Variants in SLC6A18 observed in about 807,000 individuals in gnomAD.
SLC6A18 encodes the protein inactive sodium-dependent neutral amino acid transporter B(0)AT3.
SLC6A18 carries 58 observed loss-of-function variants against 62.9 expected under a neutral mutation model. The observed-to-expected ratio is 0.92, with a 90% CI of 0.75 to 1.15. The LOEUF (loss-of-function observed/expected upper bound fraction) is 1.15. Ranked by LOEUF, SLC6A18 falls within the 50% of genes most tolerant of loss-of-function variation. The pLI is 0.00. For synonymous variants in SLC6A18, 382 were observed against 365.8 expected (o/e 1.04, Z -0.51); for missense variants, 793 against 836.6 (o/e 0.95, Z 0.64).
At position 1,243,592 on chromosome 5, in the gene SLC6A18, C is replaced by T. The variant is rs147961181; in HGVS notation, c.1169C>T (p.Thr390Met). ...CCGGGCCTGGCCTTCGTCGTCTTCACGGAGACCGACCTCCACATGCCGGGG... is the reference window on the plus strand; with the variant it reads ...CCGGGCCTGGCCTTCGTCGTCTTCATGGAGACCGACCTCCACATGCCGGGG... ...SGPGLAFVVF[T>M]ETDLHMPGAP... The change falls in exon 9 of 12, where the codon ACG becomes ATG. Residue 390 changes from threonine (T) to methionine (M), a missense_variant. Thr to Met is a moderately conservative substitution (Grantham distance 81). Transcript: ENST00000324642. This position sits in a 1 kb window ranked among gnomAD's most constrained non-coding sequence, Gnocchi z 6.5. 6.3e-5 allele frequency: 101 copies of T among 1,613,828 alleles called. 1 individual carries two copies. The highest frequency in any genetic ancestry group is 3.0e-4 in the South Asian group (27 of 91,082).
Position 1,245,988 on chromosome 5 carries a change from G to A in SLC6A18, c.1797G>A (p.Arg599=). 1 of 1,598,716 alleles carries A rather than the reference G, an allele frequency of 6.3e-7. No homozygotes were observed. Among genetic ancestry groups the A allele is most frequent in the South Asian group, 1.1e-5 (1 of 90,548 alleles). ...TCACCCGGCGGAGGCGGACGTGGAG[G>A]GACAGGGACGCGCGCCCAGACACGG... ...QLLTRRRRTW[R]DRDARPDTDM... Residue 599 remains arginine (R), a synonymous_variant, in exon 12 of 12, where the codon AGG becomes AGA. Coordinates refer to ENST00000324642, the MANE Select transcript of SLC6A18 (RefSeq NM_182632.3).
In SLC6A18 at chr5:1,244,214, G is replaced by A; in HGVS notation, c.1337G>A (p.Gly446Glu). Reference protein sequence around the residue: ...PRWVPKEALTGLVCLVCFLSA... With the variant: ...PRWVPKEALTELVCLVCFLSA... Reference sequence around the variant, plus strand: ...CCACACCCCTTTCCCACTGCCCCAGGGCTGGTCTGCCTGGTCTGCTTCCTC... The same window carrying A: ...CCACACCCCTTTCCCACTGCCCCAGAGCTGGTCTGCCTGGTCTGCTTCCTC... The change falls in exon 10 of 12, where the codon GGG becomes GAG. Residue 446 changes from glycine (G) to glutamate (E), a missense_variant and splice_region_variant. By Grantham distance (98) the Gly-to-Glu change is moderately conservative (BLOSUM62 -2). Transcript: ENST00000324642. 1 of 1,440,924 alleles carries A rather than the reference G, an allele frequency of 6.9e-7. No homozygotes were observed. The highest frequency in any genetic ancestry group is 2.6e-5 in the East Asian group (1 of 38,368). 89.3% of individuals were successfully genotyped at this position (1,440,924 alleles called of 1,614,324 possible).
chr5:1,246,160 G>A lies in SLC6A18; in HGVS notation c.*82G>A. ...TGGGCGGGGCCCCGCCCACAGGGCC[G>A]ACCCCAATACACCAGCGACTCAACC... On this transcript the variant is annotated 3_prime_UTR_variant, in exon 12 of 12. Transcript: ENST00000324642. 8.5e-7 allele frequency: 1 copy of A among 1,176,550 alleles called. No individual in the cohort carries two copies. The highest frequency in any genetic ancestry group is 1.2e-6 in the Non-Finnish European group (1 of 855,088). The allele number at this position is 1,176,550 out of a possible 1,614,324, so 72.9% of individuals were successfully genotyped here.
At chr5:1,238,638 GA>G (rs10706768) in intron 5 of SLC6A18, among the ~76,000 whole-genome samples, 3,546 of 17,782 alleles carry the variant, frequency 0.2, 908 homozygotes, top group African/African-American at 0.34. Context: ...AGTGAGCCTG[GA>G]GGACTCAGGA....
At chr5:1,236,281 A>T (rs1746881993) in intron 4 of SLC6A18, among the ~76,000 whole-genome samples, 2 of 152,168 alleles carry the variant, frequency 1.3e-5, no homozygotes, top group African/African-American at 4.8e-5. Flanking sequence ...ATGGTCTATC[A>T]TTAAGTGATC....
chr5:1,225,720 A>G, intron 1 of SLC6A18, 83 bp downstream of exon 1: 3 of 1,454,704 alleles, frequency 2.1e-6, no homozygotes, highest in Non-Finnish European at 2.8e-6. Flanking sequence ...CCTGCCACGC[A>G]TCCCCAGTGC....
intron 9 of SLC6A18, 44 bp from the exon 10 acceptor site, chr5:1,244,170 C>CG: frequency 5.3e-5 from 43 of 818,770 alleles, no homozygotes; most frequent in Non-Finnish European, 7.5e-5. Flanking sequence ...CACACCTCCA[C>CG]TCCCCATCCC....
At chr5:1,232,161 G>C in intron 1 of SLC6A18, 58 bp from the exon 2 acceptor site, 1 of 1,523,692 alleles carries the variant, frequency 6.6e-7, no homozygotes, top group Non-Finnish European at 8.9e-7. Flanking sequence ...CCTGGCCCAC[G>C]CCACAGTCCC....
intron 3 of SLC6A18, among the ~76,000 whole-genome samples, chr5:1,233,445 T>C (rs1029609575): frequency 2.0e-5 from 3 of 151,958 alleles, no homozygotes; most frequent in Non-Finnish European, 2.9e-5. Context: ...ACCACTGCAC[T>C]CCAGACGGGG....
intron 11 of SLC6A18, among the ~76,000 whole-genome samples, chr5:1,245,464 T>C (rs935276733): frequency 6.6e-6 from 1 of 152,114 alleles, no homozygotes; most frequent in African/African-American, 2.4e-5. Flanking sequence ...GGAGTGACCA[T>C]GTATTTTTGA....
At chr5:1,235,386 G>C in intron 3 of SLC6A18, 95 bp from the exon 4 acceptor site, 3 of 1,265,634 alleles carry the variant, frequency 2.4e-6, no homozygotes, top group Non-Finnish European at 3.3e-6. Context: ...CAAAAGGGCA[G>C]TGTTGTGAGC....
intron 2 of SLC6A18, 143 bp downstream of exon 2, chr5:1,232,502 G>C: frequency 8.2e-7 from 1 of 1,218,484 alleles, no homozygotes; most frequent in Non-Finnish European, 1.1e-6. Context: ...GGGAGCCCTT[G>C]GGTGTGTGTG....
At chr5:1,237,873 A>G in intron 4 of SLC6A18, 77 bp from the exon 5 acceptor site, 1 of 1,162,234 alleles carries the variant, frequency 8.6e-7, no homozygotes, top group African/African-American at 1.5e-5. Context: ...CGGTGTCTGG[A>G]GCCTGCCTGC....
At chr5:1,226,378 G>A (rs578153887) in intron 1 of SLC6A18, among the ~76,000 whole-genome samples, 33 of 152,254 alleles carry the variant, frequency 2.2e-4, no homozygotes, top group African/African-American at 7.0e-4. Context: ...ACAACATCAC[G>A]CATGGACACC....
rs149337877 is a variant in SLC6A18 at position 1,243,758 on chromosome 5, T to C, written c.1335T>C (p.Thr445=). The C allele has an allele frequency of 5.3e-3, 8,412 of 1,602,124 alleles. 95 individuals are homozygous for C. Among genetic ancestry groups the C allele is most frequent in the Non-Finnish European group, 5.4e-3 (6,379 of 1,173,450 alleles). ...LPRWVPKEAL[T]GLVCLVCFLS... is the part of the protein sequence containing the mutation. The stretch of plus-strand genomic sequence containing the variant: ...GATGGGTCCCCAAGGAGGCCCTGAC[T>C]GGTGAGCGCACAGCTCCGCCGCCCT... Residue 445 remains threonine (T), a splice_region_variant and synonymous_variant, in exon 9 of 12, where the codon ACT becomes ACC. Transcript: ENST00000324642. This position sits in a 1 kb window ranked among gnomAD's most constrained non-coding sequence, Gnocchi z 6.5.
chr5:1,232,128 C>A, intron 1 of SLC6A18, 91 bp from the exon 2 acceptor site: 1 of 1,230,316 alleles, frequency 8.1e-7, no homozygotes, highest in Non-Finnish European at 1.2e-6. Context: ...CCGTCTGCCC[C>A]TTGAAGACCA....
chr5:1,232,434 G>A, intron 2 of SLC6A18, 75 bp downstream of exon 2: 1 of 1,537,702 alleles, frequency 6.5e-7, no homozygotes, highest in East Asian at 2.3e-5. Context: ...GTGGGGCGGG[G>A]GCGGGTCCAT....
Position 1,244,745 on chromosome 5 carries a change from A to G in SLC6A18, c.1634A>G (p.Tyr545Cys), listed in dbSNP as rs1288248510. ...IILLFWKPLRYKAWNPKYELF... is the reference protein window; with the variant it reads ...IILLFWKPLRCKAWNPKYELF... ...CTCCTGTTCTGGAAGCCACTGAGAT[A>G]CAAGGCCTGGAACCCCAAATACGTA... The change falls in exon 11 of 12, where the codon TAC becomes TGC. Residue 545 changes from tyrosine (Y) to cysteine (C), a missense_variant. Tyr to Cys is a radical substitution (Grantham distance 194). Coordinates refer to ENST00000324642, the MANE Select transcript of SLC6A18 (RefSeq NM_182632.3). 6.2e-7 allele frequency: 1 copy of G among 1,609,774 alleles called. No individual in the cohort carries two copies. Among genetic ancestry groups the G allele is most frequent in the Middle Eastern group, 1.7e-4 (1 of 6,038 alleles).
At chr5:1,227,036 C>T (rs1350908232) in intron 1 of SLC6A18, among the ~76,000 whole-genome samples, 6 of 130,052 alleles carry the variant, frequency 4.6e-5, no homozygotes, top group Admixed American at 1.5e-4. Context: ...ACGCCTTGCC[C>T]GCCGACGCCT....
Sources: gnomAD v4.1 joint callset for allele counts (sites outside exome capture counted in the v4.1 genomes callset) on GRCh38, gnomAD v4.1.1 for gene constraint, Gnocchi (gnomAD v3.1) non-coding constraint, MANE v1.5 for transcripts, NCBI Gene and HGNC (gene_info 2026-07-23, HGNC 2026-07-21) for gene names.